CTTN: variants seen among roughly 807,000 people sequenced by gnomAD.
CTTN encodes the protein cortactin.
A neutral mutation model predicts 84.0 loss-of-function variants in CTTN; 28 were observed. The ratio of observed to expected loss-of-function variants is 0.33; its 90% CI spans 0.25 to 0.46. The LOEUF (loss-of-function observed/expected upper bound fraction) is 0.46, where lower values mean the gene tolerates loss of function less well. Ranked by LOEUF, CTTN falls within the 20% of genes least tolerant of loss-of-function variation. The pLI is 1.00. For missense variants in CTTN, 641 were observed against 723.8 expected (o/e 0.89, Z 1.31); for synonymous variants, 301 against 288.8 (o/e 1.04, Z -0.43).
chr11:70,433,084 G>A lies in CTTN; in HGVS notation c.1267-17G>A, dbSNP rs201592556. ...CCAGCATGGGCCCCGTGCCATGTGCGTGTGACCCTTCCCCAGGATGCGGCT... is the reference window on the plus strand; with the variant it reads ...CCAGCATGGGCCCCGTGCCATGTGCATGTGACCCTTCCCCAGGATGCGGCT... On this transcript the variant is annotated splice_polypyrimidine_tract_variant and intron_variant, in intron 15 of 17. Coordinates refer to ENST00000301843, the MANE Select transcript of CTTN (RefSeq NM_005231.4). 6.8e-5 allele frequency: 109 copies of A among 1,611,984 alleles called. No individual in the cohort carries two copies. In the African/African-American group the frequency reaches 9.3e-4, roughly 14 times the overall value.
chr11:70,418,594 A>C (rs1034493947), intron 8 of CTTN, among the ~76,000 whole-genome samples: 1 of 152,102 alleles, frequency 6.6e-6, no homozygotes, highest in Non-Finnish European at 1.5e-5. Context: ...AAGTTTCTGG[A>C]GGATGCTGTG....
intron 13 of CTTN, among the ~76,000 whole-genome samples, chr11:70,426,377 C>G (rs1385807914): frequency 6.7e-6 from 1 of 149,794 alleles, no homozygotes; most frequent in African/African-American, 2.5e-5. Flanking sequence ...CGCCACTGCA[C>G]TCCAGCCTGG....
chr11:70,399,644 CTAAG>C (rs1264658674), intron 1 of CTTN, among the ~76,000 whole-genome samples: 1 of 152,186 alleles, frequency 6.6e-6, no homozygotes, highest in Non-Finnish European at 1.5e-5. Context: ...CCTGGATAGT[CTAAG>C]GGATGCCTGA....
intron 1 of CTTN, among the ~76,000 whole-genome samples, chr11:70,402,003 A>G (rs1332728584): frequency 2.6e-5 from 4 of 151,832 alleles, no homozygotes; most frequent in Non-Finnish European, 4.4e-5. Context: ...AATACAAAAA[A>G]TTAGCTGGGT....
rs2058055926 is a variant in CTTN at position 70,407,569 on chromosome 11, T to A, written c.139T>A (p.Ser47Thr). Residue 47 changes from serine to threonine, a missense_variant, in exon 4 of 18, where the codon TCC becomes ACC. Coordinates refer to ENST00000301843, the MANE Select transcript of CTTN (RefSeq NM_005231.4). ...ATGGGGTGCCAAGACGGTGCAGGGCTCCGGGCACCAGGAGCATATCAAGTA... is the reference window on the plus strand; with the variant it reads ...ATGGGGTGCCAAGACGGTGCAGGGCACCGGGCACCAGGAGCATATCAAGTA... ...QRWGAKTVQG[S>T]GHQEHINIHK... The A allele has an allele frequency of 6.2e-7, 1 of 1,613,586 alleles. No homozygotes were observed.
At chr11:70,429,841 A>G (rs1375526398) in intron 14 of CTTN, among the ~76,000 whole-genome samples, 1 of 152,110 alleles carries the variant, frequency 6.6e-6, no homozygotes, top group Non-Finnish European at 1.5e-5. Context: ...GGTTGTGAAT[A>G]GAGCCTGAGG....
At chr11:70,412,612 C>G (rs533878064) in intron 5 of CTTN, among the ~76,000 whole-genome samples, 1 of 152,320 alleles carries the variant, frequency 6.6e-6, no homozygotes, top group African/African-American at 2.4e-5. Flanking sequence ...CGAGAGGAGC[C>G]TGGACGGGCT....
chr11:70,411,698 T>A (rs1267759793), intron 5 of CTTN, among the ~76,000 whole-genome samples: 1 of 152,116 alleles, frequency 6.6e-6, no homozygotes, highest in African/African-American at 2.4e-5. Context: ...GCACCTTTTT[T>A]CAGCGCGAAT....
At chr11:70,414,446 G>C in intron 5 of CTTN, 96 bp from the exon 6 acceptor site, 1 of 878,792 alleles carries the variant, frequency 1.1e-6, no homozygotes, top group Non-Finnish European at 1.9e-6. Context: ...TCCCTGCACT[G>C]ACCAGGATGT....
At chr11:70,415,125 G>C (rs574838465) in intron 6 of CTTN, among the ~76,000 whole-genome samples, 1 of 152,152 alleles carries the variant, frequency 6.6e-6, no homozygotes, top group Non-Finnish European at 1.5e-5. Context: ...ATAGAGGAGC[G>C]ATCAGGAGCC....
Position 70,418,349 on chromosome 11 carries a change from T to A in CTTN, c.568+1226T>A, listed in dbSNP as rs183480784. 3.6e-3 allele frequency among the ~76,000 whole-genome samples: 548 copies of A among 152,336 alleles called. 2 individuals carry two copies. Among genetic ancestry groups the A allele is most frequent in the Non-Finnish European group, 4.9e-3 (332 of 68,026 alleles). ...CCTGGGAACAGTCCATTCCTCCTCT[T>A]CCCGACACCACACAGTTGTGAGCAG... On this transcript the variant is annotated intron_variant, in intron 8 of 17. Transcript: ENST00000301843.
chr11:70,415,452 C>G (rs1453513655), intron 6 of CTTN, among the ~76,000 whole-genome samples: 2 of 152,194 alleles, frequency 1.3e-5, no homozygotes, highest in Non-Finnish European at 2.9e-5. Context: ...GCTTGGCCTG[C>G]GCCGCCCACT....
intron 1 of CTTN, among the ~76,000 whole-genome samples, chr11:70,401,668 AAAAAG>A (rs1207568361): frequency 6.6e-6 from 1 of 151,782 alleles, no homozygotes; most frequent in African/African-American, 2.4e-5. Flanking sequence ...AAACAAAAAA[AAAAAG>A]AGAGAGAAAA....
At position 70,407,167 on chromosome 11, in the gene CTTN, A is replaced by T. The variant is rs2058048484; in HGVS notation, c.1-131A>T. 4.5e-6 allele frequency: 3 copies of T among 671,742 alleles called. No individual in the cohort carries two copies. The South Asian group carries it at 5.6e-5, about 13-fold the overall frequency. The allele number at this position is 671,742 out of a possible 1,614,324, so 41.6% of individuals were successfully genotyped here. A position where few individuals can be genotyped will look rare whatever the true frequency, so the allele number is the denominator to read the frequency against. ...CAGTCAGGCTTATGGATCATGAAGG[A>T]TTGGCTGGTCCTGCAGCCTCGTCCT... On this transcript the variant is annotated intron_variant, in intron 2 of 17. Transcript: ENST00000301843.
At chr11:70,414,442 C>T in intron 5 of CTTN, 100 bp from the exon 6 acceptor site, 3 of 839,834 alleles carry the variant, frequency 3.6e-6, no homozygotes, top group East Asian at 4.9e-5. Context: ...GGTTTCCCTG[C>T]ACTGACCAGG....
rs201479846 is a variant in CTTN, at chr11:70,412,503, CTA to C, written c.292-2038_292-2037del. On this transcript the variant is annotated intron_variant, in intron 5 of 17. Transcript: ENST00000301843. The stretch of plus-strand genomic sequence containing the variant: ...ATTTGTAACTTGCCCACTCCAGAAA[CTA>C]AAAAAAAAATAAAAAATTGAAATCT... 1.2e-3 allele frequency among the ~76,000 whole-genome samples: 188 copies of C among 151,576 alleles called. 3 individuals carry two copies. In the East Asian group the frequency reaches 0.026, roughly 21 times the overall value.
chr11:70,419,703 T>C, intron 8 of CTTN, 43 bp from the exon 9 acceptor site: 1 of 1,517,904 alleles, frequency 6.6e-7, no homozygotes, highest in Admixed American at 2.0e-5. Context: ...GTTCACTGAT[T>C]TCGTTGCTCC....
At chr11:70,419,669 A>T in intron 8 of CTTN, 77 bp from the exon 9 acceptor site, 3 of 1,284,480 alleles carry the variant, frequency 2.3e-6, no homozygotes, top group Admixed American at 4.6e-5. Flanking sequence ...TTGTTTTTTT[A>T]ATCAAAGGAT....
intron 15 of CTTN, 51 bp from the exon 16 acceptor site, chr11:70,433,050 C>G: frequency 6.3e-7 from 1 of 1,576,874 alleles, no homozygotes; most frequent in Non-Finnish European, 8.6e-7. Context: ...AGCTACTGCT[C>G]TCTAGAAGCC....
Sources: gnomAD v4.1 joint callset for allele counts (sites outside exome capture counted in the v4.1 genomes callset) on GRCh38, gnomAD v4.1.1 for gene constraint, MANE v1.5 for transcripts, NCBI Gene and HGNC (gene_info 2026-07-23, HGNC 2026-07-21) for gene names.